The following NOX4 variants were observed in gnomAD, a reference collection of about 807,000 sequenced individuals.
NOX4 encodes NADPH oxidase 4.
Under a neutral mutation model 87.6 loss-of-function variants are expected in NOX4, and 69 were observed. That is an observed-to-expected ratio of 0.79 (90% CI 0.65 to 0.96). NOX4 has a LOEUF of 0.96. Ranked by LOEUF, NOX4 falls within the 40% of genes least tolerant of loss-of-function variation. The probability of loss-of-function intolerance (pLI) is 0.00; values close to 1 mark genes in which losing one functional copy is unlikely to be tolerated. For missense variants in NOX4, 680 were observed against 681.5 expected (o/e 1.00, Z 0.02); for synonymous variants, 275 against 238.2 (o/e 1.15, Z -1.42).
intron 6 of NOX4, among the ~76,000 whole-genome samples, chr11:89,439,939 T>C (rs1043621054): frequency 6.6e-5 from 10 of 152,142 alleles, no homozygotes; most frequent in Non-Finnish European, 1.0e-4. Flanking sequence ...TTAAAAAAAG[T>C]TGCACTAAAT....
intron 4 of NOX4, among the ~76,000 whole-genome samples, chr11:89,446,204 A>G (rs1289491431): frequency 6.6e-6 from 1 of 152,164 alleles, no homozygotes; most frequent in Non-Finnish European, 1.5e-5. Flanking sequence ...CAGAATACTG[A>G]CAACACCAAA....
intron 12 of NOX4, 41 bp downstream of exon 12, chr11:89,373,391 A>G (rs769654514): frequency 2.6e-6 from 3 of 1,143,572 alleles, no homozygotes; most frequent in South Asian, 1.3e-5. Context: ...ACATTCCACT[A>G]TTTTCAAAGA....
At chr11:89,466,155 T>C (rs888026526) in intron 2 of NOX4, among the ~76,000 whole-genome samples, 1 of 152,186 alleles carries the variant, frequency 6.6e-6, no homozygotes, top group Admixed American at 6.5e-5. Context: ...AAAATGTTTG[T>C]TGTTTAAGCT....
At chr11:89,367,645 T>C (rs1939108551) in intron 12 of NOX4, among the ~76,000 whole-genome samples, 1 of 152,120 alleles carries the variant, frequency 6.6e-6, no homozygotes, top group Non-Finnish European at 1.5e-5. Flanking sequence ...ATGTGATGTG[T>C]TTGCCTCCAG....
the NOX4 span, among the ~76,000 whole-genome samples, chr11:89,569,834 C>T: frequency 1.3e-5 from 2 of 151,762 alleles, no homozygotes; most frequent in African/African-American, 4.8e-5. Context: ...AAACCCGCCT[C>T]TATTAAAAAT....
intron 6 of NOX4, among the ~76,000 whole-genome samples, chr11:89,435,612 A>T (rs2135327056): frequency 6.6e-6 from 1 of 152,252 alleles, no homozygotes; most frequent in South Asian, 2.1e-4. Context: ...TTATTAGATC[A>T]GAGTATTGCT....
At chr11:89,365,111 A>G (rs1938853089) in intron 12 of NOX4, among the ~76,000 whole-genome samples, 1 of 152,068 alleles carries the variant, frequency 6.6e-6, no homozygotes, top group Admixed American at 6.6e-5. Context: ...TAGCAGGGTC[A>G]TATGCCATCT....
intron 11 of NOX4, among the ~76,000 whole-genome samples, chr11:89,378,367 T>C (rs1198197031): frequency 5.3e-5 from 8 of 152,198 alleles, no homozygotes; most frequent in Non-Finnish European, 1.0e-4. Flanking sequence ...TCAAGGCTTA[T>C]CTTAAAGCCA....
chr11:89,431,054 A>G (rs977972645), intron 7 of NOX4, among the ~76,000 whole-genome samples: 12 of 152,160 alleles, frequency 7.9e-5, no homozygotes, highest in Non-Finnish European at 1.3e-4. Flanking sequence ...AATACCACAC[A>G]TCTACAATCA....
chr11:89,425,651 T>C (rs940156099), intron 7 of NOX4, among the ~76,000 whole-genome samples: 5 of 151,862 alleles, frequency 3.3e-5, no homozygotes, highest in African/African-American at 1.2e-4. Context: ...GAAAAAATGA[T>C]TTGGGGGTAG....
chr11:89,557,356 G>A, the NOX4 span, among the ~76,000 whole-genome samples: 3 of 152,180 alleles, frequency 2.0e-5, no homozygotes, highest in South Asian at 4.1e-4. Context: ...CAACTACTCC[G>A]GAAAAGGAGA....
At chr11:89,534,916 T>C in the NOX4 span, among the ~76,000 whole-genome samples, 1 of 152,244 alleles carries the variant, frequency 6.6e-6, no homozygotes, top group Non-Finnish European at 1.5e-5. Flanking sequence ...AGTGGATAAC[T>C]ATCGATTCTG....
chr11:89,369,745 T>TTTGC (rs1332875386), intron 12 of NOX4, among the ~76,000 whole-genome samples: 2 of 128 alleles, frequency 0.016, no homozygotes, highest in Non-Finnish European at 0.036. Context: ...TATTTATTTA[T>TTTGC]TTGTTTGTTT....
At chr11:89,507,516 A>G in the NOX4 span, among the ~76,000 whole-genome samples, 143 of 151,730 alleles carry the variant, frequency 9.4e-4, 1 homozygote, top group Non-Finnish European at 2.7e-4. Context: ...TACATAATAT[A>G]TATTGCAATA....
At chr11:89,470,148 T>C (rs1945867747) in intron 2 of NOX4, among the ~76,000 whole-genome samples, 1 of 152,102 alleles carries the variant, frequency 6.6e-6, no homozygotes, top group Non-Finnish European at 1.5e-5. Context: ...TGAGCATATA[T>C]AGTATTTAAT....
chr11:89,564,732 T>C, the NOX4 span, among the ~76,000 whole-genome samples: 1 of 145,140 alleles, frequency 6.9e-6, no homozygotes, highest in East Asian at 2.1e-4. Context: ...TTTTTTGTTG[T>C]TGTTGTTGTT....
chr11:89,388,170 T>G (rs549795307), intron 11 of NOX4, among the ~76,000 whole-genome samples: 1 of 152,306 alleles, frequency 6.6e-6, no homozygotes, highest in South Asian at 2.1e-4. Context: ...TGGAGAATTA[T>G]CTCATAAACG....
At chr11:89,409,528 C>T (rs1420050326) in intron 8 of NOX4, among the ~76,000 whole-genome samples, 1 of 152,088 alleles carries the variant, frequency 6.6e-6, no homozygotes, top group East Asian at 1.9e-4. Flanking sequence ...TGTAAGGCAT[C>T]GTTAATGGGG....
intron 17 of NOX4, among the ~76,000 whole-genome samples, chr11:89,334,371 C>A (rs139827140): frequency 2.6e-5 from 4 of 151,848 alleles, no homozygotes; most frequent in African/African-American, 2.4e-5. Context: ...ATGCTTACAT[C>A]TTCATCCCAA....
Sources: allele counts gnomAD v4.1 joint callset (sites outside exome capture counted in the v4.1 genomes callset), GRCh38; gene constraint gnomAD v4.1.1; transcripts MANE v1.5; gene names NCBI Gene and HGNC (gene_info 2026-07-23, HGNC 2026-07-21).